Variants in DACH1 observed in about 807,000 individuals in gnomAD.
DACH1 encodes the protein dachshund homolog 1.
DACH1 carries 12 observed loss-of-function variants against 54.2 expected under a neutral mutation model. The observed-to-expected ratio is 0.22, with a 90% CI of 0.14 to 0.36. The LOEUF is 0.36. Ranked by LOEUF, DACH1 falls within the 10% of genes least tolerant of loss-of-function variation. The pLI is 1.00. For missense variants in DACH1, 805 were observed against 929.8 expected, an observed-to-expected ratio of 0.87 and a Z score of 1.75; for synonymous variants, 386 against 366.2, an observed-to-expected ratio of 1.05 and a Z score of -0.62.
intron 4 of DACH1, among the ~76,000 whole-genome samples, chr13:71,569,551 A>C (rs2138406938): frequency 6.6e-6 from 1 of 152,260 alleles, no homozygotes; most frequent in Non-Finnish European, 1.5e-5. Flanking sequence ...AATAGATTTC[A>C]CCCAACGTTG....
intron 3 of DACH1, among the ~76,000 whole-genome samples, chr13:71,625,298 T>C (rs1274090001): frequency 6.6e-6 from 1 of 152,040 alleles, no homozygotes; most frequent in Non-Finnish European, 1.5e-5. Flanking sequence ...TGCAGAGCTC[T>C]GCTTGGTGGC....
intron 3 of DACH1, among the ~76,000 whole-genome samples, chr13:71,629,402 T>A (rs926005004): frequency 6.6e-6 from 1 of 152,144 alleles, no homozygotes; most frequent in African/African-American, 2.4e-5. Flanking sequence ...TTCCCTTACA[T>A]AGTTGTGCTG....
At chr13:71,484,800 G>T (rs1276918534) in intron 7 of DACH1, among the ~76,000 whole-genome samples, 2 of 152,158 alleles carry the variant, frequency 1.3e-5, no homozygotes, top group African/African-American at 4.8e-5. Flanking sequence ...GGGCGCGGTG[G>T]CTCACGCCTG....
chr13:71,510,854 T>C (rs1880721723), intron 6 of DACH1, among the ~76,000 whole-genome samples: 1 of 152,000 alleles, frequency 6.6e-6, no homozygotes, highest in Non-Finnish European at 1.5e-5. Flanking sequence ...TTTATCTCTA[T>C]ACTAGATCTT....
chr13:71,463,304 C>A (rs1189298944), intron 10 of DACH1, among the ~76,000 whole-genome samples: 1 of 151,794 alleles, frequency 6.6e-6, no homozygotes, highest in Non-Finnish European at 1.5e-5. Context: ...TTAGAGAAAA[C>A]GTCTTGAGAA....
chr13:71,512,198 A>C (rs1477505994), intron 6 of DACH1, among the ~76,000 whole-genome samples: 1 of 151,836 alleles, frequency 6.6e-6, no homozygotes, highest in Non-Finnish European at 1.5e-5. Flanking sequence ...TTCTATTTCT[A>C]GGCCTTCATT....
intron 1 of DACH1, among the ~76,000 whole-genome samples, 193 bp from the exon 2 acceptor site, chr13:71,682,103 A>G (rs930271589): frequency 6.6e-6 from 1 of 151,980 alleles, no homozygotes; most frequent in Non-Finnish European, 1.5e-5. Flanking sequence ...AAGATCAGCC[A>G]CTCCTGATGC....
At chr13:71,698,356 TATC>T (rs1167764258) in intron 1 of DACH1, among the ~76,000 whole-genome samples, 1 of 152,116 alleles carries the variant, frequency 6.6e-6, no homozygotes, top group African/African-American at 2.4e-5. Flanking sequence ...AAATATAAAA[TATC>T]ATACTTTGGC....
At chr13:71,845,567 T>G (rs1288503789) in intron 1 of DACH1, among the ~76,000 whole-genome samples, 3 of 152,110 alleles carry the variant, frequency 2.0e-5, no homozygotes, top group Non-Finnish European at 4.4e-5. Flanking sequence ...TAGTTACATA[T>G]CAGTTTAAAA....
Position 71,655,843 on chromosome 13 carries a change from A to G in DACH1, c.965-25126T>C, listed in dbSNP as rs561614828. Among the ~76,000 whole-genome samples the G allele has an allele frequency of 2.1e-4, 32 of 152,152 alleles. 1 individual carries two copies. The highest frequency in any genetic ancestry group is 6.2e-4 in the South Asian group (3 of 4,822). ...ATTTGTTGGTGTTTTAATTTTGTTC[A>G]TATTCCCAAGAAAACTTTATTTACA... On this transcript the variant is annotated intron_variant, in intron 2 of 10. Transcript: ENST00000613252.
intron 3 of DACH1, among the ~76,000 whole-genome samples, chr13:71,618,682 G>A (rs987159033): frequency 4.0e-5 from 6 of 151,746 alleles, no homozygotes; most frequent in Admixed American, 6.6e-5. Context: ...AAGGCACGAG[G>A]TAAAAATAAT....
intron 6 of DACH1, among the ~76,000 whole-genome samples, chr13:71,512,157 T>C (rs1465507667): frequency 6.6e-6 from 1 of 151,904 alleles, no homozygotes; most frequent in Non-Finnish European, 1.5e-5. Flanking sequence ...TGCATTCAAA[T>C]ACCAATTTTT....
chr13:71,599,592 C>T (rs528536759), intron 3 of DACH1, among the ~76,000 whole-genome samples: 1 of 152,146 alleles, frequency 6.6e-6, no homozygotes, highest in African/African-American at 2.4e-5. Context: ...ACACATCTCT[C>T]CACCTGTATC....
chr13:71,842,562 A>C (rs1343307900), intron 1 of DACH1, among the ~76,000 whole-genome samples: 1 of 152,056 alleles, frequency 6.6e-6, no homozygotes, highest in Non-Finnish European at 1.5e-5. Context: ...TGGGTGACAG[A>C]GTATGACCCA....
intron 7 of DACH1, among the ~76,000 whole-genome samples, chr13:71,487,254 G>C (rs965734987): frequency 2.0e-5 from 3 of 152,048 alleles, no homozygotes; most frequent in Non-Finnish European, 4.4e-5. Flanking sequence ...AGCTTGTCTT[G>C]ACCATTGTCC....
At chr13:71,632,438 C>A (rs989469592) in intron 2 of DACH1, among the ~76,000 whole-genome samples, 154 of 120,522 alleles carry the variant, frequency 1.3e-3, no homozygotes, top group African/African-American at 4.6e-3. Context: ...TTTTTTTTTA[C>A]TGTGGCTTCT....
At chr13:71,477,276 A>G (rs1288006199) in intron 8 of DACH1, among the ~76,000 whole-genome samples, 1 of 150,470 alleles carries the variant, frequency 6.6e-6, no homozygotes, top group Non-Finnish European at 1.5e-5. Flanking sequence ...ACCTGCCACC[A>G]CGCCCGGCTA....
intron 6 of DACH1, among the ~76,000 whole-genome samples, chr13:71,493,750 T>A (rs1181658442): frequency 6.6e-6 from 1 of 152,078 alleles, no homozygotes; most frequent in African/African-American, 2.4e-5. Context: ...TTTATAAAAA[T>A]TTATAAAAAA....
chr13:71,451,297 T>C (rs1875032748), intron 10 of DACH1, among the ~76,000 whole-genome samples: 1 of 152,156 alleles, frequency 6.6e-6, no homozygotes, highest in South Asian at 2.1e-4. Context: ...CTTCTTACAC[T>C]GACAAGTATA....
Sources: gnomAD v4.1 joint callset for allele counts (sites outside exome capture counted in the v4.1 genomes callset) on GRCh38, gnomAD v4.1.1 for gene constraint, MANE v1.5 for transcripts, NCBI Gene and HGNC (gene_info 2026-07-23, HGNC 2026-07-21) for gene names.